Variants in NBAS observed in about 807,000 individuals in gnomAD.
NBAS encodes the protein NBAS subunit of NRZ tethering complex.
A neutral mutation model predicts 302.5 loss-of-function variants in NBAS; 219 were observed. The observed-to-expected ratio is 0.72, with a 90% CI of 0.65 to 0.81. The LOEUF (loss-of-function observed/expected upper bound fraction) is 0.81. NBAS is among the 30% of genes least tolerant of loss of function. The pLI is 0.00. For synonymous variants in NBAS, 1,118 were observed against 1,021.6 expected, an observed-to-expected ratio of 1.09 and a Z score of -1.80; for missense variants, 2,932 against 2,841.6, an observed-to-expected ratio of 1.03 and a Z score of -0.72.
rs376840720 is a variant in NBAS, at chr2:15,167,201, C to T, written c.6963G>A (p.Gln2321=). ...GCTCCTCTGCATCCCAGCGCCCTTGCTGGAGGCTAGCCAAGAGGTGGTCAA... is the reference window on the plus strand; with the variant it reads ...GCTCCTCTGCATCCCAGCGCCCTTGTTGGAGGCTAGCCAAGAGGTGGTCAA... ...RIVDHLLASL[Q]QGRWDAEELG... is the part of the protein sequence containing the mutation. The change falls in exon 52 of 52, where the codon CAG becomes CAA. Residue 2321 remains glutamine (Q), a synonymous_variant. Transcript: ENST00000281513. The T allele has an allele frequency of 8.7e-6, 14 of 1,614,152 alleles. No homozygotes were observed. Among genetic ancestry groups the T allele is most frequent in the Admixed American group, 5.0e-5 (3 of 60,014 alleles).
chr2:15,056,161 T>C, the NBAS span, among the ~76,000 whole-genome samples: 6 of 151,596 alleles, frequency 4.0e-5, no homozygotes, highest in Admixed American at 2.6e-4. Flanking sequence ...ACATGACTGA[T>C]AGATGTACCA....
At chr2:15,020,083 G>T in the NBAS span, among the ~76,000 whole-genome samples, 58 of 152,192 alleles carry the variant, frequency 3.8e-4, no homozygotes, top group African/African-American at 1.3e-3. Context: ...GAACTGGAAG[G>T]TCAACTCCAT....
At chr2:15,086,902 T>C in the NBAS span, among the ~76,000 whole-genome samples, 1 of 152,150 alleles carries the variant, frequency 6.6e-6, no homozygotes, top group Non-Finnish European at 1.5e-5. Context: ...GTAAAGTAAA[T>C]TGCCCTTCCT....
chr2:15,237,294 T>C (rs1029866726), intron 45 of NBAS, among the ~76,000 whole-genome samples: 1 of 152,046 alleles, frequency 6.6e-6, no homozygotes, highest in Non-Finnish European at 1.5e-5. Flanking sequence ...CATTGTATAG[T>C]CCTAACACCT....
chr2:15,220,319 T>C (rs1666895903), intron 47 of NBAS, among the ~76,000 whole-genome samples: 1 of 152,200 alleles, frequency 6.6e-6, no homozygotes. Context: ...CTGACAATAA[T>C]TAAGCAAAGT....
chr2:15,413,618 C>T (rs1398707382), intron 25 of NBAS, among the ~76,000 whole-genome samples: 1 of 152,148 alleles, frequency 6.6e-6, no homozygotes, highest in Non-Finnish European at 1.5e-5. Flanking sequence ...AGTTAAGTTC[C>T]ATGTGAGTAT....
chr2:15,549,904 G>C (rs1406058067), intron 6 of NBAS, among the ~76,000 whole-genome samples: 1 of 152,090 alleles, frequency 6.6e-6, no homozygotes, highest in African/African-American at 2.4e-5. Flanking sequence ...TATAATCCCA[G>C]CACTTTGGGA....
intron 25 of NBAS, among the ~76,000 whole-genome samples, chr2:15,409,866 G>C (rs1457092734): frequency 6.6e-6 from 1 of 152,152 alleles, no homozygotes; most frequent in African/African-American, 2.4e-5. Flanking sequence ...GTACAATCTA[G>C]ATTAAAGTGA....
Position 15,455,008 on chromosome 2 carries a change from T to A in NBAS, c.2339+6193A>T, listed in dbSNP as rs756610591. Among the ~76,000 whole-genome samples, 48 of 152,024 alleles carry A rather than the reference T, an allele frequency of 3.2e-4. 1 individual carries two copies. Among genetic ancestry groups the A allele is most frequent in the Non-Finnish European group, 1.8e-4 (12 of 68,020 alleles). ...ACCTCTGCCTCATGGGTTCAAGCGA[T>A]TCTCCTGCCTCAGCCTCCTAAGTAG... On this transcript the variant is annotated intron_variant, in intron 21 of 51. Transcript: ENST00000281513.
At chr2:15,332,487 A>T (rs1232637122) in intron 35 of NBAS, among the ~76,000 whole-genome samples, 1 of 152,194 alleles carries the variant, frequency 6.6e-6, no homozygotes, top group African/African-American at 2.4e-5. Flanking sequence ...AATTTACCCA[A>T]CTGGCTGTTG....
intron 38 of NBAS, among the ~76,000 whole-genome samples, chr2:15,311,553 A>G (rs1255863613): frequency 6.6e-6 from 1 of 152,252 alleles, no homozygotes; most frequent in African/African-American, 2.4e-5. Flanking sequence ...TAGATAAATC[A>G]TAATTATTAA....
chr2:15,446,085 GA>G (rs201875573), intron 21 of NBAS, among the ~76,000 whole-genome samples: 1,927 of 141,332 alleles, frequency 0.014, 31 homozygotes, highest in East Asian at 0.063. Context: ...AGGAGTCCCA[GA>G]AAAAAAAAAG....
chr2:15,513,001 T>C (rs1662215400), intron 9 of NBAS, among the ~76,000 whole-genome samples: 1 of 152,128 alleles, frequency 6.6e-6, no homozygotes, highest in Admixed American at 6.5e-5. Flanking sequence ...TGAACTAAGC[T>C]AACAATAACA....
chr2:15,013,763 T>A, the NBAS span, among the ~76,000 whole-genome samples: 36 of 151,998 alleles, frequency 2.4e-4, no homozygotes, highest in African/African-American at 8.2e-4. Flanking sequence ...CCTGCCTGGG[T>A]GACAAAGCCA....
At chr2:15,424,736 A>G (rs1011990371) in intron 22 of NBAS, among the ~76,000 whole-genome samples, 9 of 152,176 alleles carry the variant, frequency 5.9e-5, no homozygotes, top group Non-Finnish European at 1.2e-4. Flanking sequence ...AAATCAATCA[A>G]ATAAGTACTA....
At chr2:15,547,838 G>A (rs1664187204) in intron 6 of NBAS, among the ~76,000 whole-genome samples, 1 of 152,136 alleles carries the variant, frequency 6.6e-6, no homozygotes, top group Admixed American at 6.5e-5. Flanking sequence ...AAGCACTGGT[G>A]AGGAAACTAC....
chr2:15,224,015 A>G (rs1357277785), intron 47 of NBAS, among the ~76,000 whole-genome samples: 1 of 152,208 alleles, frequency 6.6e-6, no homozygotes, highest in Non-Finnish European at 1.5e-5. Context: ...CACACTCAGA[A>G]TCAGTTTTGG....
the NBAS span, among the ~76,000 whole-genome samples, chr2:14,960,037 T>A: frequency 6.6e-6 from 1 of 152,232 alleles, no homozygotes; most frequent in Non-Finnish European, 1.5e-5. Context: ...TTCTTTTACC[T>A]TATAGTACTT....
At chr2:15,023,334 C>CTTTG in the NBAS span, among the ~76,000 whole-genome samples, 1,882 of 152,180 alleles carry the variant, frequency 0.012, 42 homozygotes, top group African/African-American at 0.043. Flanking sequence ...ACTTTGCTCA[C>CTTTG]TTTGTTTTTC....
Sources: allele counts gnomAD v4.1 joint callset (sites outside exome capture counted in the v4.1 genomes callset), GRCh38; gene constraint gnomAD v4.1.1; transcripts MANE v1.5; gene names NCBI Gene and HGNC (gene_info 2026-07-23, HGNC 2026-07-21).